The following CATSPERE variants were observed in gnomAD, a reference collection of about 807,000 sequenced individuals.
The protein encoded by CATSPERE is catsper channel auxiliary subunit epsilon.
In CATSPERE, 93 loss-of-function variants were observed where a neutral mutation model predicts 114.1. The ratio of observed to expected loss-of-function variants is 0.81; its 90% CI spans 0.69 to 0.97. CATSPERE has a LOEUF of 0.97. CATSPERE is among the 50% of genes least tolerant of loss of function. CATSPERE has a pLI of 0.00. For missense variants in CATSPERE, 1,058 were observed against 1,131.6 expected, an observed-to-expected ratio of 0.93 and a Z score of 0.93; for synonymous variants, 341 against 384.1, an observed-to-expected ratio of 0.89 and a Z score of 1.31.
chr1:244,548,454 A>G (rs374935736), intron 8 of CATSPERE, among the ~76,000 whole-genome samples: 1 of 152,208 alleles, frequency 6.6e-6, no homozygotes, highest in Non-Finnish European at 1.5e-5. Context: ...GGCTGACTAC[A>G]CTGAACCATT....
intron 17 of CATSPERE, among the ~76,000 whole-genome samples, chr1:244,593,825 A>G (rs1379796236): frequency 1.3e-5 from 2 of 152,170 alleles, no homozygotes; most frequent in African/African-American, 4.8e-5. Context: ...CTGTCAGGGA[A>G]GCCCTTGCTT....
upstream of CATSPERE, among the ~76,000 whole-genome samples, chr1:244,452,374 C>T (rs1175425778): frequency 7.9e-5 from 12 of 152,294 alleles, no homozygotes; most frequent in South Asian, 1.7e-3. Flanking sequence ...TGAATGTGTA[C>T]AAAATACAAA....
intron 10 of CATSPERE, among the ~76,000 whole-genome samples, chr1:244,562,507 C>T (rs981747323): frequency 7.2e-5 from 11 of 152,126 alleles, no homozygotes; most frequent in African/African-American, 2.7e-4. Context: ...AAATCCTTCT[C>T]ACTTACCCAC....
intron 19 of CATSPERE, among the ~76,000 whole-genome samples, chr1:244,617,110 C>T (rs1671494620): frequency 6.6e-6 from 1 of 152,080 alleles, no homozygotes. Context: ...TTGAGACCCA[C>T]AGAAAGACAT....
chr1:244,561,290 T>G (rs1451544239), intron 10 of CATSPERE, 145 bp downstream of exon 10: 5 of 640,996 alleles, frequency 7.8e-6, no homozygotes, highest in African/African-American at 1.8e-5. Context: ...ATGAATTGAC[T>G]TTAAATACAA....
At chr1:244,564,270 T>C (rs1663061780) in intron 10 of CATSPERE, among the ~76,000 whole-genome samples, 1 of 152,188 alleles carries the variant, frequency 6.6e-6, no homozygotes. Flanking sequence ...TTAAAGTAGT[T>C]TTTTCTAATT....
intron 8 of CATSPERE, among the ~76,000 whole-genome samples, chr1:244,530,271 G>A (rs1471015206): frequency 2.0e-5 from 3 of 152,118 alleles, no homozygotes; most frequent in African/African-American, 7.2e-5. Flanking sequence ...TTCTTGAAGA[G>A]ACTGTCCTTT....
intron 8 of CATSPERE, among the ~76,000 whole-genome samples, chr1:244,548,163 G>A (rs759175303): frequency 6.6e-6 from 1 of 152,254 alleles, no homozygotes; most frequent in Non-Finnish European, 1.5e-5. Flanking sequence ...GTCAGCAGAA[G>A]AAGATTTAAC....
chr1:244,631,992 A>G (rs1413588053), intron 20 of CATSPERE, among the ~76,000 whole-genome samples: 2 of 152,176 alleles, frequency 1.3e-5, no homozygotes, highest in African/African-American at 4.8e-5. Flanking sequence ...TGGTTGAGCC[A>G]GGGAGGTTGA....
chr1:244,543,797 T>C (rs1370878433), intron 8 of CATSPERE, among the ~76,000 whole-genome samples: 1 of 151,892 alleles, frequency 6.6e-6, no homozygotes, highest in East Asian at 1.9e-4. Context: ...TTGGATTAAC[T>C]GATCAGACCT....
chr1:244,630,771 G>C (rs756065808), intron 20 of CATSPERE, among the ~76,000 whole-genome samples: 9 of 152,096 alleles, frequency 5.9e-5, no homozygotes, highest in African/African-American at 2.2e-4. Flanking sequence ...CTATCTCAGG[G>C]AGAATGAGTG....
At chr1:244,462,211 GA>G (rs1666934121) in intron 1 of CATSPERE, among the ~76,000 whole-genome samples, 1 of 152,148 alleles carries the variant, frequency 6.6e-6, no homozygotes, top group South Asian at 2.1e-4. Context: ...CCAAGAGTGA[GA>G]TATAACAGTG....
chr1:244,595,727 C>G (rs1176685641), intron 17 of CATSPERE, among the ~76,000 whole-genome samples: 1 of 152,222 alleles, frequency 6.6e-6, no homozygotes, highest in East Asian at 1.9e-4. Context: ...GTCAGGAGAT[C>G]AAGACCATCC....
At chr1:244,488,918 A>G (rs1193225535) in intron 5 of CATSPERE, among the ~76,000 whole-genome samples, 3 of 152,198 alleles carry the variant, frequency 2.0e-5, no homozygotes, top group Non-Finnish European at 4.4e-5. Context: ...AACTCACTGC[A>G]TACTCATTTA....
At chr1:244,571,145 T>C (rs908790607) in intron 10 of CATSPERE, among the ~76,000 whole-genome samples, 2 of 152,274 alleles carry the variant, frequency 1.3e-5, no homozygotes, top group Non-Finnish European at 2.9e-5. Context: ...TATTATGTCA[T>C]CCATTCACAT....
intron 11 of CATSPERE, among the ~76,000 whole-genome samples, chr1:244,577,890 T>G (rs1324082613): frequency 1.3e-5 from 2 of 152,184 alleles, no homozygotes. Flanking sequence ...AAGGCATATT[T>G]TCAAGGATAC....
At chr1:244,462,836 A>C (rs1667024394) in intron 1 of CATSPERE, among the ~76,000 whole-genome samples, 1 of 152,162 alleles carries the variant, frequency 6.6e-6, no homozygotes, top group Admixed American at 6.5e-5. Context: ...ATATCCTAGC[A>C]ACTCTTCCTC....
At chr1:244,590,239 C>G (rs926336384) in intron 14 of CATSPERE, among the ~76,000 whole-genome samples, 1 of 152,164 alleles carries the variant, frequency 6.6e-6, no homozygotes, top group African/African-American at 2.4e-5. Context: ...GTCTTATGAA[C>G]CCTAACTAGA....
At chr1:244,557,949 A>C (rs1340174310) in intron 9 of CATSPERE, among the ~76,000 whole-genome samples, 13 of 151,676 alleles carry the variant, frequency 8.6e-5, no homozygotes, top group Non-Finnish European at 1.8e-4. Context: ...GCTTCTTGGT[A>C]AGTGCATCTG....
Sources: allele counts gnomAD v4.1 joint callset (sites outside exome capture counted in the v4.1 genomes callset), GRCh38; gene constraint gnomAD v4.1.1; transcripts MANE v1.5; gene names NCBI Gene and HGNC (gene_info 2026-07-23, HGNC 2026-07-21).